Variants in SCFD2 observed in about 807,000 individuals in gnomAD.
The protein encoded by SCFD2 is sec1 family domain-containing protein 2.
SCFD2 carries 54 observed loss-of-function variants against 58.9 expected under a neutral mutation model. That is an observed-to-expected ratio of 0.92 (90% confidence interval 0.74 to 1.15). The LOEUF is 1.15. Ranked by LOEUF, SCFD2 falls within the 50% of genes most tolerant of loss-of-function variation. The pLI is 0.00. For missense variants in SCFD2, 805 were observed against 836.6 expected, an observed-to-expected ratio of 0.96 and a Z score of 0.47; for synonymous variants, 321 against 335.9, an observed-to-expected ratio of 0.96 and a Z score of 0.49.
chr4:53,327,302 T>G (rs1733234325), intron 2 of SCFD2, among the ~76,000 whole-genome samples: 1 of 151,952 alleles, frequency 6.6e-6, no homozygotes, highest in African/African-American at 2.4e-5. Flanking sequence ...CCACATGGGA[T>G]GGAGGGTGGC....
rs1577881024 is a variant in SCFD2, at chr4:53,238,556, T to C, written c.1311+35270A>G. ...GCTGCCGGGCGGAGACGCTCCTCAC[T>C]TCCCAGATGGGGCGGCTGCCGGGCG... is the stretch of plus-strand genomic sequence containing the variant. On this transcript the variant is annotated intron_variant, in intron 4 of 8. Transcript: ENST00000401642. Among the ~76,000 whole-genome samples the C allele has an allele frequency of 2.0e-5, 3 of 149,078 alleles. No homozygotes were observed. The South Asian group carries it at 6.5e-4, about 32-fold the overall frequency.
At chr4:53,155,134 G>A (rs1011724455) in intron 4 of SCFD2, among the ~76,000 whole-genome samples, 1 of 152,190 alleles carries the variant, frequency 6.6e-6, no homozygotes, top group Non-Finnish European at 1.5e-5. Flanking sequence ...ATGTGAGGTA[G>A]GGCCTGAGAA....
At chr4:53,274,114 C>T (rs1731259931) in intron 3 of SCFD2, 113 bp from the exon 4 acceptor site, 3 of 845,804 alleles carry the variant, frequency 3.5e-6, no homozygotes, top group Non-Finnish European at 5.2e-6. Flanking sequence ...TCAGAGCTGA[C>T]TGCAAGCTTT....
rs111303903 is a variant in SCFD2, at chr4:53,312,772, T to C, written c.1135+864A>G. 7.1e-3 allele frequency among the ~76,000 whole-genome samples: 1,088 copies of C among 152,212 alleles called. 9 individuals carry two copies. Among genetic ancestry groups the C allele is most frequent in the Non-Finnish European group, 0.01 (691 of 68,012 alleles). The stretch of plus-strand genomic sequence containing the variant: ...AGAAAAATTTTCCCATCCAATAAAA[T>C]GTACTAATATTTACTGAATACCTAA... On this transcript the variant is annotated intron_variant, in intron 3 of 8. Transcript: ENST00000401642.
At chr4:53,029,056 G>A (rs1004566251) in intron 5 of SCFD2, among the ~76,000 whole-genome samples, 1 of 152,154 alleles carries the variant, frequency 6.6e-6, no homozygotes, top group Non-Finnish European at 1.5e-5. Context: ...AAGAAGGCAA[G>A]CTTTTAGTAA....
chr4:53,299,023 T>C (rs1347343291), intron 3 of SCFD2, among the ~76,000 whole-genome samples: 1 of 151,986 alleles, frequency 6.6e-6, no homozygotes, highest in Non-Finnish European at 1.5e-5. Flanking sequence ...ACAGAAACTC[T>C]AAAAATCAGA....
At chr4:53,221,723 T>A (rs572076047) in intron 4 of SCFD2, among the ~76,000 whole-genome samples, 3 of 152,210 alleles carry the variant, frequency 2.0e-5, no homozygotes, top group Admixed American at 2.0e-4. Context: ...AAAATTAAAA[T>A]GTCATTGACA....
At position 53,352,783 on chromosome 4, in the gene SCFD2, GA is replaced by G. The variant is rs1560462469; in HGVS notation, c.839-18del. On this transcript the variant is annotated intron_variant, in intron 1 of 8. Transcript: ENST00000401642. ...CAACTGCTCCTGTTTAAGCAGACAAGATGATGTAAATTCATAAAATGGGAGG... is the reference window on the plus strand; with the variant it reads ...CAACTGCTCCTGTTTAAGCAGACAAGTGATGTAAATTCATAAAATGGGAGG... 6 of 1,598,994 alleles carry G rather than the reference GA, an allele frequency of 3.8e-6. No individual in the cohort carries two copies. The highest frequency in any genetic ancestry group is 5.1e-6 in the Non-Finnish European group (6 of 1,168,394).
At chr4:53,173,130 TAA>T (rs1304306957) in intron 4 of SCFD2, among the ~76,000 whole-genome samples, 2 of 152,224 alleles carry the variant, frequency 1.3e-5, no homozygotes, top group Non-Finnish European at 2.9e-5. Flanking sequence ...GTTTTTGACT[TAA>T]AGTCTATTTT....
intron 5 of SCFD2, among the ~76,000 whole-genome samples, chr4:53,039,606 T>A (rs527932853): frequency 3.2e-4 from 49 of 152,322 alleles, no homozygotes; most frequent in African/African-American, 1.2e-3. Flanking sequence ...TTTAGGCATA[T>A]CTTTTGCAAG....
At chr4:53,233,302 T>C (rs551422071) in intron 4 of SCFD2, among the ~76,000 whole-genome samples, 1 of 152,280 alleles carries the variant, frequency 6.6e-6, no homozygotes, top group African/African-American at 2.4e-5. Context: ...AAGATTCAGT[T>C]AGTGTAGGGA....
At chr4:53,241,831 C>T (rs1232324027) in intron 4 of SCFD2, among the ~76,000 whole-genome samples, 1 of 152,220 alleles carries the variant, frequency 6.6e-6, no homozygotes, top group Non-Finnish European at 1.5e-5. Flanking sequence ...TCTGCCAGCA[C>T]CCCACCCCTG....
At chr4:53,157,925 T>G (rs967690150) in intron 4 of SCFD2, among the ~76,000 whole-genome samples, 1 of 152,216 alleles carries the variant, frequency 6.6e-6, no homozygotes, top group Non-Finnish European at 1.5e-5. Context: ...TCAGAGCTTC[T>G]CAAAACTTAA....
At chr4:53,226,105 T>A (rs1218580029) in intron 4 of SCFD2, among the ~76,000 whole-genome samples, 1 of 152,086 alleles carries the variant, frequency 6.6e-6, no homozygotes, top group Non-Finnish European at 1.5e-5. Context: ...ACCAGGCTGG[T>A]TTTGGATTTC....
chr4:52,900,256 C>T (rs1395466175), intron 7 of SCFD2, among the ~76,000 whole-genome samples: 5 of 152,284 alleles, frequency 3.3e-5, no homozygotes, highest in Admixed American at 6.5e-5. Context: ...TTTTTCTGCT[C>T]TGTTTTTTCC....
chr4:52,915,853 T>C (rs540624670), intron 6 of SCFD2, among the ~76,000 whole-genome samples: 1 of 152,246 alleles, frequency 6.6e-6, no homozygotes, highest in Admixed American at 6.5e-5. Context: ...CAATAGAACT[T>C]AGCACTTGGA....
At chr4:52,902,907 T>C (rs1343750260) in intron 7 of SCFD2, among the ~76,000 whole-genome samples, 1 of 152,214 alleles carries the variant, frequency 6.6e-6, no homozygotes, top group East Asian at 1.9e-4. Flanking sequence ...AAGTGATTGC[T>C]ATTAGCATAG....
Position 53,145,455 on chromosome 4 carries a change from G to T in SCFD2, c.1439C>A (p.Ser480Tyr), listed in dbSNP as rs1262649784. 6.2e-7 allele frequency: 1 copy of T among 1,614,110 alleles called. No homozygotes were observed. Among genetic ancestry groups the T allele is most frequent in the South Asian group, 1.1e-5 (1 of 91,080 alleles). The stretch of plus-strand genomic sequence containing the variant: ...GTCTACCGTGAGCTCTCCAGTGACA[G>T]AATAAATATATATGAGAAGGATCAG... The part of the protein sequence containing the change: ...ELLILLIYIY[S>Y]VTGELTVDKD... Residue 480 changes from serine (S) to tyrosine (Y), a missense_variant, in exon 5 of 9, where the codon TCT becomes TAT. Ser to Tyr is a moderately radical substitution (Grantham distance 144). Coordinates refer to ENST00000401642, the MANE Select transcript of SCFD2 (RefSeq NM_152540.4).
At chr4:52,884,967 A>G (rs946387820) in intron 8 of SCFD2, among the ~76,000 whole-genome samples, 10 of 152,170 alleles carry the variant, frequency 6.6e-5, no homozygotes, top group Admixed American at 2.0e-4. Flanking sequence ...CATTTCCTAA[A>G]TGAGGAAACT....
Sources: allele counts gnomAD v4.1 joint callset (sites outside exome capture counted in the v4.1 genomes callset), GRCh38; gene constraint gnomAD v4.1.1; transcripts MANE v1.5; gene names NCBI Gene and HGNC (gene_info 2026-07-23, HGNC 2026-07-21).